Variants in CADM2 observed in about 807,000 individuals in gnomAD.
CADM2 encodes the protein cell adhesion molecule 2.
CADM2 carries 12 observed loss-of-function variants against 49.8 expected under a neutral mutation model. That is an observed-to-expected ratio of 0.24 (90% confidence interval 0.15 to 0.39). The LOEUF (loss-of-function observed/expected upper bound fraction) is 0.39. CADM2 is among the 10% of genes least tolerant of loss of function. The probability of loss-of-function intolerance (pLI) is 1.00; values close to 1 mark genes in which losing one functional copy is unlikely to be tolerated. For missense variants in CADM2, 378 were observed against 492.3 expected (o/e 0.77, Z 2.20); for synonymous variants, 214 against 175.4 (o/e 1.22, Z -1.74).
chr3:85,818,930 A>T (rs2073387815), intron 3 of CADM2, among the ~76,000 whole-genome samples: 1 of 147,842 alleles, frequency 6.8e-6, no homozygotes, highest in African/African-American at 2.7e-5. Context: ...TATGAAGGAG[A>T]ATTGACTCAC....
intron 1 of CADM2, among the ~76,000 whole-genome samples, chr3:85,198,466 T>A (rs2041402649): frequency 6.6e-6 from 1 of 151,386 alleles, no homozygotes; most frequent in African/African-American, 2.4e-5. Flanking sequence ...GTTAATAGCA[T>A]GTTTTTTTTT....
At chr3:85,143,876 A>T (rs1420357696) in intron 1 of CADM2, among the ~76,000 whole-genome samples, 31 of 152,058 alleles carry the variant, frequency 2.0e-4, no homozygotes, top group Admixed American at 2.0e-3. Context: ...AGAGGTTCTC[A>T]TTTCACTCAA....
intron 1 of CADM2, among the ~76,000 whole-genome samples, chr3:85,458,335 A>T (rs2038089392): frequency 6.6e-6 from 1 of 152,088 alleles, no homozygotes; most frequent in African/African-American, 2.4e-5. Context: ...ATGTTATCCC[A>T]CTCCTCTGCC....
chr3:85,240,223 T>C (rs536586317), intron 1 of CADM2, among the ~76,000 whole-genome samples: 1 of 151,636 alleles, frequency 6.6e-6, no homozygotes, highest in East Asian at 1.9e-4. Flanking sequence ...GGATGGGAAA[T>C]AGGTATTTTT....
chr3:85,761,590 T>A (rs905292882), intron 2 of CADM2, among the ~76,000 whole-genome samples: 2 of 151,820 alleles, frequency 1.3e-5, no homozygotes, highest in African/African-American at 4.8e-5. Flanking sequence ...TTGGCCAGGA[T>A]GGTCTCAATC....
chr3:85,093,389 T>C lies in CADM2; in HGVS notation c.61+133721T>C, dbSNP rs535898076. Among the ~76,000 whole-genome samples the C allele has an allele frequency of 2.0e-5, 3 of 151,864 alleles. No homozygotes were observed. The East Asian group carries it at 5.9e-4, about 30-fold the overall frequency. Reference sequence around the variant, plus strand: ...AGCTCGGCGTGGTGGTGCACACCTGTAGTCCCAGCTACTCGGGAGGCTGAG... The same window carrying C: ...AGCTCGGCGTGGTGGTGCACACCTGCAGTCCCAGCTACTCGGGAGGCTGAG... On this transcript the variant is annotated intron_variant, in intron 1 of 9. Transcript: ENST00000383699.
At chr3:85,420,739 T>G (rs981835512) in intron 1 of CADM2, among the ~76,000 whole-genome samples, 1 of 152,146 alleles carries the variant, frequency 6.6e-6, no homozygotes, top group Non-Finnish European at 1.5e-5. Context: ...AAACAAAACA[T>G]AAAAGATAAT....
intron 1 of CADM2, among the ~76,000 whole-genome samples, chr3:85,444,257 C>T (rs1576565708): frequency 6.6e-6 from 1 of 152,088 alleles, no homozygotes; most frequent in Admixed American, 6.6e-5. Flanking sequence ...AATGCAGCAA[C>T]CAGAGTGATT....
chr3:85,786,010 C>G (rs1347433468), intron 2 of CADM2, among the ~76,000 whole-genome samples: 1 of 151,992 alleles, frequency 6.6e-6, no homozygotes, highest in African/African-American at 2.4e-5. Flanking sequence ...GTTCCGGATA[C>G]TAGAGGAAAG....
chr3:85,407,218 G>A (rs1249511033), intron 1 of CADM2, among the ~76,000 whole-genome samples: 3 of 151,896 alleles, frequency 2.0e-5, no homozygotes, highest in Non-Finnish European at 4.4e-5. Flanking sequence ...AAAATAAAAT[G>A]AGATTATGTC....
intron 1 of CADM2, among the ~76,000 whole-genome samples, chr3:85,149,118 C>T (rs2039842147): frequency 6.7e-6 from 1 of 150,352 alleles, no homozygotes; most frequent in African/African-American, 2.5e-5. Context: ...TTAAAAAAAT[C>T]AATAATTAGA....
At chr3:85,115,049 A>G (rs989707155) in intron 1 of CADM2, among the ~76,000 whole-genome samples, 4 of 152,184 alleles carry the variant, frequency 2.6e-5, no homozygotes, top group Admixed American at 1.3e-4. Context: ...TTTCATTTAT[A>G]TCTACCTGGA....
intron 1 of CADM2, among the ~76,000 whole-genome samples, chr3:85,583,961 A>G (rs1171178318): frequency 6.6e-6 from 1 of 152,026 alleles, no homozygotes; most frequent in Non-Finnish European, 1.5e-5. Flanking sequence ...AAATATATGC[A>G]TTTATTTAGA....
chr3:85,570,553 T>A (rs553112464), intron 1 of CADM2, among the ~76,000 whole-genome samples: 300 of 152,294 alleles, frequency 2.0e-3, no homozygotes, highest in Middle Eastern at 6.8e-3. Context: ...TACTGTATTA[T>A]GATTTTTTTC....
intron 3 of CADM2, among the ~76,000 whole-genome samples, chr3:85,803,821 A>G (rs2072227785): frequency 6.6e-6 from 1 of 152,156 alleles, no homozygotes; most frequent in Non-Finnish European, 1.5e-5. Flanking sequence ...CTAAAAAAAT[A>G]CCTTCACAGA....
At chr3:85,011,210 C>A (rs1327831051) in intron 1 of CADM2, among the ~76,000 whole-genome samples, 1 of 151,930 alleles carries the variant, frequency 6.6e-6, no homozygotes, top group Non-Finnish European at 1.5e-5. Context: ...TTTATTTTGA[C>A]TTATAGTATA....
intron 1 of CADM2, among the ~76,000 whole-genome samples, chr3:85,135,674 A>T (rs1173140461): frequency 6.6e-6 from 1 of 152,074 alleles, no homozygotes; most frequent in African/African-American, 2.4e-5. Context: ...CAAAACACAG[A>T]ATGTGATTGG....
intron 3 of CADM2, among the ~76,000 whole-genome samples, chr3:85,860,973 A>G (rs1016067452): frequency 2.0e-5 from 3 of 152,154 alleles, no homozygotes; most frequent in African/African-American, 7.2e-5. Flanking sequence ...AGAGTGAGCT[A>G]GGGGGACAGC....
intron 1 of CADM2, among the ~76,000 whole-genome samples, chr3:84,991,404 G>C (rs2032877627): frequency 6.6e-6 from 1 of 152,134 alleles, no homozygotes; most frequent in Non-Finnish European, 1.5e-5. Flanking sequence ...TGTAGTGTTT[G>C]TTAGCTTTCT....
Sources: gnomAD v4.1 joint callset for allele counts (sites outside exome capture counted in the v4.1 genomes callset) on GRCh38, gnomAD v4.1.1 for gene constraint, MANE v1.5 for transcripts, NCBI Gene and HGNC (gene_info 2026-07-23, HGNC 2026-07-21) for gene names.